CFAP54: variants seen among roughly 807,000 people sequenced by gnomAD.
CFAP54 encodes the protein cilia- and flagella-associated protein 54.
In CFAP54, 290 loss-of-function variants were observed where a neutral mutation model predicts 370.4. The observed-to-expected ratio is 0.78, with a 90% CI of 0.71 to 0.86. The LOEUF is 0.86. Among genes scored for constraint, CFAP54 ranks in the 40% least tolerant of loss-of-function variants. The pLI is 0.00. For synonymous variants in CFAP54, 1,206 were observed against 1,236.5 expected, an observed-to-expected ratio of 0.98 and a Z score of 0.52; for missense variants, 3,399 against 3,528.7, an observed-to-expected ratio of 0.96 and a Z score of 0.93.
At chr12:96,516,292 A>AGAGATGTGCT (rs141771722) in intron 5 of CFAP54, among the ~76,000 whole-genome samples, 3,943 of 140,888 alleles carry the variant, frequency 0.028, 118 homozygotes, top group African/African-American at 0.078. Context: ...ACATCTAGTC[A>AGAGATGTGCT]GAGATGTGCT....
At chr12:96,614,986 T>A (rs1956399600) in intron 26 of CFAP54, among the ~76,000 whole-genome samples, 1 of 152,206 alleles carries the variant, frequency 6.6e-6, no homozygotes, top group Admixed American at 6.5e-5. Context: ...CCAATGACTT[T>A]CTTCACAGAA....
intron 46 of CFAP54, among the ~76,000 whole-genome samples, chr12:96,704,446 A>ATGTGTG (rs1361954982): frequency 1.4e-5 from 1 of 72,974 alleles, no homozygotes; most frequent in South Asian, 6.9e-4. Context: ...AAAAAAATGT[A>ATGTGTG]TGTGTGTATA....
chr12:96,866,496 G>T lies in CFAP54; in HGVS notation c.*14+5544G>T, dbSNP rs77951116. Among the ~76,000 whole-genome samples the T allele has an allele frequency of 2.9e-4, 44 of 152,136 alleles. No individual in the cohort carries two copies. In the East Asian group the frequency reaches 8.5e-3, roughly 29 times the overall value. On this transcript the variant is annotated intron_variant, in intron 67 of 67. Transcript: ENST00000524981. ...ATTTAAGATAACTTTCATACATTTT[G>T]TATTTAACAGCTTAGAATGGAATAG...
intron 1 of CFAP54, among the ~76,000 whole-genome samples, chr12:96,491,053 C>T (rs949742233): frequency 1.3e-5 from 2 of 151,940 alleles, no homozygotes; most frequent in Non-Finnish European, 2.9e-5. Flanking sequence ...TCACTGAAAC[C>T]TTGAACTTGG....
chr12:96,793,635 T>C lies in CFAP54; in HGVS notation c.8850+1136T>C, dbSNP rs139072920. Among the ~76,000 whole-genome samples, 869 of 152,296 alleles carry C rather than the reference T, an allele frequency of 5.7e-3. 8 individuals carry two copies. The highest frequency in any genetic ancestry group is 0.019 in the African/African-American group (808 of 41,540). On this transcript the variant is annotated intron_variant, in intron 63 of 67. Coordinates refer to ENST00000524981, the MANE Select transcript of CFAP54 (RefSeq NM_001306084.2). ...AATTCTTTAGGGAATTTCCACACTG[T>C]TTTCCATAGTGGTTGTACTAGTTTA... is the stretch of plus-strand genomic sequence containing the variant.
At chr12:96,541,221 C>G (rs1391042611) in intron 14 of CFAP54, among the ~76,000 whole-genome samples, 1 of 151,658 alleles carries the variant, frequency 6.6e-6, no homozygotes, top group Non-Finnish European at 1.5e-5. Flanking sequence ...TTCCTTTTCT[C>G]TGTTCCTAAT....
chr12:96,857,504 G>A (rs776391204), intron 66 of CFAP54, among the ~76,000 whole-genome samples: 57 of 152,262 alleles, frequency 3.7e-4, no homozygotes, highest in South Asian at 6.2e-4. Context: ...ATTCCATGGC[G>A]TATATGTACC....
chr12:96,642,350 G>A (rs1956740615), intron 32 of CFAP54, among the ~76,000 whole-genome samples: 1 of 152,094 alleles, frequency 6.6e-6, no homozygotes. Flanking sequence ...AAGTTGTGAG[G>A]GCTACTGATG....
chr12:96,690,398 T>C (rs1045275256), intron 43 of CFAP54, among the ~76,000 whole-genome samples: 2 of 152,210 alleles, frequency 1.3e-5, no homozygotes, highest in African/African-American at 4.8e-5. Flanking sequence ...AAATTCTAAT[T>C]GTTAAAATAA....
At chr12:96,601,550 C>T (rs541986264) in intron 26 of CFAP54, among the ~76,000 whole-genome samples, 12 of 152,284 alleles carry the variant, frequency 7.9e-5, no homozygotes, top group Non-Finnish European at 1.6e-4. Context: ...CTCCTTCTAC[C>T]TCTGGTAGAA....
chr12:96,565,772 A>G (rs537016426), intron 19 of CFAP54, among the ~76,000 whole-genome samples: 1 of 152,314 alleles, frequency 6.6e-6, no homozygotes, highest in East Asian at 1.9e-4. Flanking sequence ...AGACAGATGT[A>G]GATAAGAAAA....
intron 66 of CFAP54, among the ~76,000 whole-genome samples, chr12:96,860,530 G>T (rs1959852510): frequency 6.6e-6 from 1 of 152,154 alleles, no homozygotes; most frequent in Non-Finnish European, 1.5e-5. Context: ...ATGCAGGAAA[G>T]CGTTTTATTA....
intron 26 of CFAP54, among the ~76,000 whole-genome samples, chr12:96,613,599 C>G (rs1005692731): frequency 1.3e-5 from 2 of 151,770 alleles, no homozygotes; most frequent in Non-Finnish European, 2.9e-5. Flanking sequence ...TTGAAAAGAC[C>G]AACAAAATTG....
At chr12:96,612,663 C>A (rs1956371592) in intron 26 of CFAP54, among the ~76,000 whole-genome samples, 3 of 152,122 alleles carry the variant, frequency 2.0e-5, no homozygotes. Flanking sequence ...GCGGAGACCA[C>A]ACATAGGCTC....
intron 63 of CFAP54, among the ~76,000 whole-genome samples, chr12:96,793,039 T>G (rs1350383860): frequency 1.3e-5 from 2 of 152,124 alleles, no homozygotes; most frequent in East Asian, 1.9e-4. Context: ...TATACTATTC[T>G]TTTTTAAATT....
intron 65 of CFAP54, among the ~76,000 whole-genome samples, chr12:96,819,845 T>G (rs1482406965): frequency 2.0e-5 from 3 of 152,170 alleles, no homozygotes; most frequent in African/African-American, 4.8e-5. Flanking sequence ...CCTCCCACCC[T>G]CCTGTTGCAG....
At chr12:96,688,803 G>T (rs1047526457) in intron 42 of CFAP54, 113 bp from the exon 43 acceptor site, 9 of 542,248 alleles carry the variant, frequency 1.7e-5, no homozygotes, top group Non-Finnish European at 2.6e-5. Context: ...ATATTTATAT[G>T]TATGCATTTT....
intron 15 of CFAP54, among the ~76,000 whole-genome samples, chr12:96,549,221 T>C (rs910953124): frequency 3.3e-5 from 5 of 152,154 alleles, no homozygotes; most frequent in Admixed American, 1.3e-4. Context: ...ACTTATTCTC[T>C]GAGGCAGAGT....
chr12:96,511,776 G>T (rs1447717276), intron 4 of CFAP54, among the ~76,000 whole-genome samples: 2 of 152,208 alleles, frequency 1.3e-5, no homozygotes, highest in African/African-American at 2.4e-5. Flanking sequence ...GAGCCACGGC[G>T]CCTGGCCATC....
Sources: gnomAD v4.1 joint callset for allele counts (sites outside exome capture counted in the v4.1 genomes callset) on GRCh38, gnomAD v4.1.1 for gene constraint, MANE v1.5 for transcripts, NCBI Gene and HGNC (gene_info 2026-07-23, HGNC 2026-07-21) for gene names.